The following CDH12 variants were observed in gnomAD, a reference collection of about 807,000 sequenced individuals.
The protein encoded by CDH12 is cadherin-12.
Under a neutral mutation model 74.1 loss-of-function variants are expected in CDH12, and 41 were observed. The ratio of observed to expected loss-of-function variants is 0.55; its 90% CI spans 0.43 to 0.72. The LOEUF (loss-of-function observed/expected upper bound fraction) is 0.72, where lower values mean the gene tolerates loss of function less well. Among genes scored for constraint, CDH12 ranks in the 30% least tolerant of loss-of-function variants. The pLI is 0.00. For missense variants in CDH12, 945 were observed against 977.2 expected (o/e 0.97, Z 0.44); for synonymous variants, 399 against 355.0 (o/e 1.12, Z -1.39).
rs1233433073 is a variant in CDH12, at chr5:21,985,831, G to A, written c.232-10446C>T. ...ACAAAGCCATTAGATTATACTTAAG[G>A]TATTTATAGATGAAAGAAGATCAGA... On this transcript the variant is annotated intron_variant, in intron 5 of 14. Transcript: ENST00000382254. Among the ~76,000 whole-genome samples, 3 of 152,018 alleles carry A rather than the reference G, an allele frequency of 2.0e-5. No individual in the cohort carries two copies. In the South Asian group the frequency reaches 6.2e-4, roughly 32 times the overall value.
chr5:22,087,162 GA>G (rs1419502083), intron 4 of CDH12, among the ~76,000 whole-genome samples: 1 of 152,166 alleles, frequency 6.6e-6, no homozygotes, highest in African/African-American at 2.4e-5. Flanking sequence ...AAGGAAACCT[GA>G]AGAAAATATG....
At chr5:22,067,064 G>A (rs1347323455) in intron 5 of CDH12, among the ~76,000 whole-genome samples, 1 of 152,114 alleles carries the variant, frequency 6.6e-6, no homozygotes, top group Non-Finnish European at 1.5e-5. Context: ...CAACTTCATT[G>A]CTCTACCTCA....
intron 6 of CDH12, among the ~76,000 whole-genome samples, chr5:21,916,234 T>A (rs774451201): frequency 6.6e-6 from 1 of 152,190 alleles, no homozygotes; most frequent in Non-Finnish European, 1.5e-5. Flanking sequence ...TATAGCCACA[T>A]ACATAAAACT....
chr5:21,906,404 G>T (rs1753644013), intron 6 of CDH12, among the ~76,000 whole-genome samples: 1 of 152,136 alleles, frequency 6.6e-6, no homozygotes, highest in South Asian at 2.1e-4. Context: ...CTTATTAGCT[G>T]CAGTATAGCA....
intron 4 of CDH12, 78 bp from the exon 5 acceptor site, chr5:22,078,940 G>T: frequency 3.0e-6 from 2 of 657,268 alleles, no homozygotes; most frequent in Non-Finnish European, 4.1e-6. Context: ...CATTATATCT[G>T]CCAACATTTA....
intron 7 of CDH12, among the ~76,000 whole-genome samples, chr5:21,852,476 G>A (rs1057494786): frequency 3.3e-5 from 5 of 151,354 alleles, no homozygotes; most frequent in East Asian, 1.9e-4. Flanking sequence ...CAAGGGAAGA[G>A]TATGTTTTTT....
chr5:21,857,991 C>G (rs1750841026), intron 6 of CDH12, among the ~76,000 whole-genome samples: 1 of 150,740 alleles, frequency 6.6e-6, no homozygotes, highest in East Asian at 2.0e-4. Flanking sequence ...GAGAGAGAGA[C>G]AGAGAGAGGA....
At chr5:22,847,705 A>T (rs992487967) in intron 1 of CDH12, among the ~76,000 whole-genome samples, 5 of 152,190 alleles carry the variant, frequency 3.3e-5, no homozygotes, top group Admixed American at 1.3e-4. Context: ...ATAAAATTAT[A>T]TGATTTTTAA....
intron 2 of CDH12, among the ~76,000 whole-genome samples, chr5:22,465,721 C>A (rs1299900877): frequency 2.0e-5 from 3 of 152,160 alleles, no homozygotes; most frequent in African/African-American, 7.2e-5. Flanking sequence ...TAACTAAATC[C>A]TTTACCATTG....
intron 2 of CDH12, among the ~76,000 whole-genome samples, chr5:22,417,852 C>T (rs945239046): frequency 6.6e-6 from 1 of 152,024 alleles, no homozygotes; most frequent in African/African-American, 2.4e-5. Flanking sequence ...TGAAAAGTCA[C>T]GGACTCTTAA....
chr5:22,430,865 G>T (rs1011180997), intron 2 of CDH12, among the ~76,000 whole-genome samples: 7 of 151,570 alleles, frequency 4.6e-5, no homozygotes, highest in Non-Finnish European at 1.0e-4. Flanking sequence ...CCAATCTCTT[G>T]CAGGTTAAAG....
At chr5:21,795,290 T>C (rs541009493) in intron 10 of CDH12, among the ~76,000 whole-genome samples, 241 of 151,880 alleles carry the variant, frequency 1.6e-3, no homozygotes, top group Middle Eastern at 0.014. Flanking sequence ...AATCTGAGGG[T>C]TGAAATACTG....
intron 3 of CDH12, among the ~76,000 whole-genome samples, chr5:22,315,792 T>C (rs1261988456): frequency 6.6e-6 from 1 of 152,300 alleles, no homozygotes; most frequent in East Asian, 1.9e-4. Flanking sequence ...AGGAGAGTAA[T>C]AAAAGATGGC....
At chr5:21,816,894 C>T in intron 9 of CDH12, 51 bp downstream of exon 9, 1 of 1,147,340 alleles carries the variant, frequency 8.7e-7, no homozygotes. Context: ...TATTTTTTAT[C>T]TTCTTTAATT....
intron 3 of CDH12, among the ~76,000 whole-genome samples, chr5:22,337,314 C>G (rs554515351): frequency 2.6e-5 from 4 of 152,160 alleles, no homozygotes; most frequent in African/African-American, 9.6e-5. Context: ...TGAGTTGAGA[C>G]TTTGGGGGAC....
At chr5:22,733,294 T>C (rs1158522785) in intron 1 of CDH12, among the ~76,000 whole-genome samples, 1 of 151,976 alleles carries the variant, frequency 6.6e-6, no homozygotes, top group African/African-American at 2.4e-5. Context: ...AAATGTGGTA[T>C]GACTTTCTTA....
chr5:22,609,946 T>C (rs1192481581), intron 1 of CDH12, among the ~76,000 whole-genome samples: 2 of 152,240 alleles, frequency 1.3e-5, no homozygotes, highest in Non-Finnish European at 2.9e-5. Context: ...GTGAAAGATA[T>C]TTGAAAACAA....
At chr5:22,618,272 A>G (rs1363088572) in intron 1 of CDH12, among the ~76,000 whole-genome samples, 1 of 152,132 alleles carries the variant, frequency 6.6e-6, no homozygotes, top group African/African-American at 2.4e-5. Flanking sequence ...CCACAAGTTG[A>G]GAATTGCTAC....
intron 1 of CDH12, among the ~76,000 whole-genome samples, chr5:22,662,488 T>G (rs1310569671): frequency 1.3e-5 from 2 of 152,082 alleles, no homozygotes; most frequent in Non-Finnish European, 2.9e-5. Flanking sequence ...TTAACACATA[T>G]GCAATGAGTC....
Sources: gnomAD v4.1 joint callset for allele counts (sites outside exome capture counted in the v4.1 genomes callset) on GRCh38, gnomAD v4.1.1 for gene constraint, MANE v1.5 for transcripts, NCBI Gene and HGNC (gene_info 2026-07-23, HGNC 2026-07-21) for gene names.